Variants in BCKDHB observed in about 807,000 individuals in gnomAD.
The protein encoded by BCKDHB is 2-oxoisovalerate dehydrogenase subunit beta, mitochondrial.
In BCKDHB, 41 loss-of-function variants were observed where a neutral mutation model predicts 48.5. The ratio of observed to expected loss-of-function variants is 0.85; its 90% confidence interval spans 0.66 to 1.10. The LOEUF is 1.10. Among genes scored for constraint, BCKDHB ranks in the 50% least tolerant of loss-of-function variants. BCKDHB has a pLI of 0.00. For missense variants in BCKDHB, 496 were observed against 494.2 expected, an observed-to-expected ratio of 1.00 and a Z score of -0.03; for synonymous variants, 201 against 174.8, an observed-to-expected ratio of 1.15 and a Z score of -1.18.
intron 8 of BCKDHB, among the ~76,000 whole-genome samples, chr6:80,263,421 C>A (rs143454045): frequency 6.6e-6 from 1 of 152,186 alleles, no homozygotes; most frequent in African/African-American, 2.4e-5. Flanking sequence ...TTTTGTTTTT[C>A]TCTGTGCCAT....
At chr6:80,197,254 T>C (rs1412632792) in intron 6 of BCKDHB, among the ~76,000 whole-genome samples, 1 of 152,176 alleles carries the variant, frequency 6.6e-6, no homozygotes, top group Non-Finnish European at 1.5e-5. Flanking sequence ...AACTAAGAAG[T>C]ATCTATGAAT....
At chr6:80,155,987 C>G (rs62406053) in intron 3 of BCKDHB, among the ~76,000 whole-genome samples, 4 of 151,546 alleles carry the variant, frequency 2.6e-5, no homozygotes, top group Non-Finnish European at 1.5e-5. Context: ...TTAAAAAATA[C>G]TTTCCCCCCC....
chr6:80,128,342 G>A (rs1770447586), intron 2 of BCKDHB, among the ~76,000 whole-genome samples: 1 of 152,006 alleles, frequency 6.6e-6, no homozygotes, highest in Non-Finnish European at 1.5e-5. Context: ...GATTTGTTTT[G>A]AATGCTACTT....
chr6:80,111,131 C>A (rs1769386826), intron 1 of BCKDHB, among the ~76,000 whole-genome samples: 1 of 152,186 alleles, frequency 6.6e-6, no homozygotes, highest in Non-Finnish European at 1.5e-5. Flanking sequence ...AATAAAGGAT[C>A]TTACTTGTGG....
At chr6:80,356,636 A>G in the BCKDHB span, 2 of 152,232 alleles carry the variant, frequency 1.3e-5, no homozygotes, top group African/African-American at 2.4e-5. Context: ...GGTGAGGATC[A>G]TAAGTTATAT....
intron 9 of BCKDHB, among the ~76,000 whole-genome samples, chr6:80,283,618 T>C (rs1311698846): frequency 6.6e-6 from 1 of 152,158 alleles, no homozygotes; most frequent in East Asian, 1.9e-4. Flanking sequence ...TTTAAAAAGT[T>C]AATGGTGATT....
chr6:80,413,963 T>A, the BCKDHB span, among the ~76,000 whole-genome samples: 1 of 152,194 alleles, frequency 6.6e-6, no homozygotes, highest in Non-Finnish European at 1.5e-5. Context: ...TCAGCATCTG[T>A]TACTTTTTGA....
the BCKDHB span, among the ~76,000 whole-genome samples, chr6:80,418,487 C>A: frequency 3.9e-5 from 6 of 151,904 alleles, no homozygotes; most frequent in Non-Finnish European, 8.8e-5. Context: ...TATTTTTGAC[C>A]TTGAGGGTTT....
At chr6:80,193,375 A>G (rs1773987574) in intron 6 of BCKDHB, among the ~76,000 whole-genome samples, 1 of 152,128 alleles carries the variant, frequency 6.6e-6, no homozygotes, top group African/African-American at 2.4e-5. Flanking sequence ...AACAGTATAA[A>G]ACATTTACGA....
At chr6:80,235,064 A>T (rs1297872577) in intron 8 of BCKDHB, among the ~76,000 whole-genome samples, 2 of 152,186 alleles carry the variant, frequency 1.3e-5, no homozygotes, top group Non-Finnish European at 2.9e-5. Flanking sequence ...ATCAAAATAC[A>T]GTTAGAAGAA....
At chr6:80,242,568 TAC>T (rs141146473) in intron 8 of BCKDHB, among the ~76,000 whole-genome samples, 1,864 of 150,450 alleles carry the variant, frequency 0.012, 28 homozygotes, top group African/African-American at 0.042. Flanking sequence ...CATACACATG[TAC>T]ACACACACAC....
chr6:80,352,802 C>T, the BCKDHB span, among the ~76,000 whole-genome samples: 1 of 152,188 alleles, frequency 6.6e-6, no homozygotes. Flanking sequence ...TGAATGCAGA[C>T]TCTCAGCCTG....
At chr6:80,415,001 CTG>C in the BCKDHB span, among the ~76,000 whole-genome samples, 116,196 of 149,830 alleles carry the variant, frequency 0.78, 48,201 homozygotes, top group East Asian at 0.94. Flanking sequence ...TTAGGTATTT[CTG>C]TGTGTGTGTG....
chr6:80,179,911 A>G (rs1028043571), intron 6 of BCKDHB, among the ~76,000 whole-genome samples: 3 of 152,098 alleles, frequency 2.0e-5, no homozygotes, highest in African/African-American at 7.2e-5. Context: ...GCAAGAAGAG[A>G]TGAGGTCGTT....
At position 80,273,642 on chromosome 6, in the gene BCKDHB, C is replaced by A. The variant is rs759202088; in HGVS notation, c.1038+421C>A. 2.1e-4 allele frequency among the ~76,000 whole-genome samples: 32 copies of A among 152,034 alleles called. No individual in the cohort carries two copies. The South Asian group carries it at 2.3e-3, about 11-fold the overall frequency. ...TGATCTTAGATTTTCACAGCATTCA[C>A]GTTCTAAAAATGAATCTCTCAAAAG... On this transcript the variant is annotated intron_variant, in intron 9 of 9. Transcript: ENST00000320393.
intron 6 of BCKDHB, among the ~76,000 whole-genome samples, chr6:80,177,095 C>T (rs1477505560): frequency 6.6e-6 from 1 of 151,574 alleles, no homozygotes; most frequent in Admixed American, 6.6e-5. Context: ...GGTGTCATGG[C>T]ATGCGCCTGT....
intron 8 of BCKDHB, among the ~76,000 whole-genome samples, chr6:80,248,797 G>T (rs1332625672): frequency 6.6e-6 from 1 of 152,150 alleles, no homozygotes; most frequent in Admixed American, 6.5e-5. Context: ...AGCCAAGGGA[G>T]TGAATGAAAG....
chr6:80,190,672 C>T (rs1773853213), intron 6 of BCKDHB, among the ~76,000 whole-genome samples: 1 of 152,036 alleles, frequency 6.6e-6, no homozygotes, highest in South Asian at 2.1e-4. Context: ...AAAAGGTGAC[C>T]TTTTCATCTA....
At chr6:80,203,350 TGAAA>T in intron 8 of BCKDHB, 138 bp downstream of exon 8, 2 of 687,622 alleles carry the variant, frequency 2.9e-6, no homozygotes, top group Admixed American at 2.3e-5. Flanking sequence ...ATTTGCAGCA[TGAAA>T]GAAAGTTGTA....
Sources: allele counts gnomAD v4.1 joint callset (sites outside exome capture counted in the v4.1 genomes callset), GRCh38; gene constraint gnomAD v4.1.1; transcripts MANE v1.5; gene names NCBI Gene and HGNC (gene_info 2026-07-23, HGNC 2026-07-21).